Variants in ADK observed in about 807,000 individuals in gnomAD.
ADK encodes adenosine kinase, also known as N6,N6-dimethyladenosine kinase.
ADK carries 24 observed loss-of-function variants against 44.7 expected under a neutral mutation model. That is an observed-to-expected ratio of 0.54 (90% CI 0.39 to 0.76). The LOEUF is 0.76. ADK is among the 30% of genes least tolerant of loss of function. ADK has a pLI of 0.00. For synonymous variants in ADK, 128 were observed against 142.6 expected, an observed-to-expected ratio of 0.90 and a Z score of 0.73; for missense variants, 321 against 425.1, an observed-to-expected ratio of 0.76 and a Z score of 2.15.
chr10:74,354,010 T>G (rs1842053823), intron 4 of ADK, among the ~76,000 whole-genome samples: 2 of 152,160 alleles, frequency 1.3e-5, no homozygotes, highest in African/African-American at 4.8e-5. Context: ...AGAAAAAGGG[T>G]TTCCTTTGTC....
chr10:74,242,765 C>T (rs981854029), intron 3 of ADK, among the ~76,000 whole-genome samples: 1 of 152,222 alleles, frequency 6.6e-6, no homozygotes, highest in Non-Finnish European at 1.5e-5. Flanking sequence ...CACCCGCATC[C>T]TGTGCCTGTA....
At chr10:74,531,251 C>G (rs1000654203) in intron 7 of ADK, among the ~76,000 whole-genome samples, 5 of 152,086 alleles carry the variant, frequency 3.3e-5, no homozygotes, top group African/African-American at 1.2e-4. Context: ...TCGTAATTCA[C>G]GAGGCTTCAA....
chr10:74,473,097 C>T (rs887324925), intron 6 of ADK, among the ~76,000 whole-genome samples: 3 of 151,962 alleles, frequency 2.0e-5, no homozygotes, highest in Non-Finnish European at 4.4e-5. Flanking sequence ...TCAGGTGATT[C>T]TCCCACTTCA....
intron 4 of ADK, among the ~76,000 whole-genome samples, chr10:74,352,323 G>T (rs1034715494): frequency 6.6e-6 from 1 of 152,198 alleles, no homozygotes; most frequent in Non-Finnish European, 1.5e-5. Flanking sequence ...AAGCAATGGG[G>T]AAAGGATTCC....
chr10:74,215,113 AT>A (rs1290172380), intron 2 of ADK, among the ~76,000 whole-genome samples: 1 of 151,926 alleles, frequency 6.6e-6, no homozygotes, highest in Non-Finnish European at 1.5e-5. Context: ...AGTGTATGTC[AT>A]TTTTCTCCAG....
intron 1 of ADK, among the ~76,000 whole-genome samples, chr10:74,176,169 T>C (rs1174655960): frequency 6.6e-6 from 1 of 152,204 alleles, no homozygotes; most frequent in Non-Finnish European, 1.5e-5. Flanking sequence ...ACACTTTCCA[T>C]ATTAAATAAG....
intron 3 of ADK, among the ~76,000 whole-genome samples, chr10:74,238,024 G>A (rs1845038289): frequency 6.6e-6 from 1 of 152,128 alleles, no homozygotes. Context: ...AACCCAGGAG[G>A]CGGAGGTCAT....
At chr10:74,219,748 A>G (rs1416078154) in intron 2 of ADK, among the ~76,000 whole-genome samples, 3 of 151,216 alleles carry the variant, frequency 2.0e-5, no homozygotes, top group South Asian at 2.1e-4. Flanking sequence ...TGGAAACTGA[A>G]CAACCTGCTC....
intron 6 of ADK, among the ~76,000 whole-genome samples, chr10:74,414,710 C>CA (rs1018164919): frequency 2.2e-4 from 33 of 149,500 alleles, no homozygotes; most frequent in South Asian, 2.1e-4. Flanking sequence ...GACTCCATCT[C>CA]AAAAAAAAAG....
rs149318731 is a variant in ADK, at chr10:74,644,582, G to A, written c.878-25601G>A. 1.5e-4 allele frequency among the ~76,000 whole-genome samples: 23 copies of A among 152,298 alleles called. No homozygotes were observed. In the East Asian group the frequency reaches 4.4e-3, roughly 29 times the overall value. On this transcript the variant is annotated intron_variant, in intron 9 of 10. Coordinates refer to ENST00000539909, the MANE Select transcript of ADK (RefSeq NM_006721.4). ...AGGGTCTTGCTCTGCCACCCAGGCT[G>A]GAGTTCAGGGATGCAATCATAGATC...
chr10:74,559,684 A>C (rs1850385286), intron 7 of ADK, among the ~76,000 whole-genome samples: 1 of 152,212 alleles, frequency 6.6e-6, no homozygotes, highest in Admixed American at 6.5e-5. Context: ...CCAAACTGAT[A>C]TATTTAAAAT....
intron 4 of ADK, among the ~76,000 whole-genome samples, chr10:74,383,777 A>T (rs1450191193): frequency 6.6e-6 from 1 of 152,008 alleles, no homozygotes; most frequent in African/African-American, 2.4e-5. Context: ...GTTTGTTTAG[A>T]TTCATCTCAT....
intron 9 of ADK, among the ~76,000 whole-genome samples, chr10:74,617,400 A>G (rs1043184823): frequency 2.0e-5 from 3 of 152,226 alleles, no homozygotes; most frequent in Non-Finnish European, 2.9e-5. Flanking sequence ...TTTTTTAAAA[A>G]TCATGAATAG....
At chr10:74,353,290 A>G (rs1425373596) in intron 4 of ADK, among the ~76,000 whole-genome samples, 1 of 152,162 alleles carries the variant, frequency 6.6e-6, no homozygotes, top group Admixed American at 6.5e-5. Context: ...CATCATTTTT[A>G]GCAAAGTAAC....
At chr10:74,167,175 G>A (rs1275242744) in intron 1 of ADK, among the ~76,000 whole-genome samples, 1 of 152,050 alleles carries the variant, frequency 6.6e-6, no homozygotes, top group Admixed American at 6.5e-5. Flanking sequence ...AAATATAAAT[G>A]TAGAAAAATA....
At chr10:74,447,951 A>AT (rs2133172239) in intron 6 of ADK, among the ~76,000 whole-genome samples, 1 of 152,268 alleles carries the variant, frequency 6.6e-6, no homozygotes, top group African/African-American at 2.4e-5. Flanking sequence ...AGGGGGGTGG[A>AT]TCACCTGAGG....
intron 1 of ADK, among the ~76,000 whole-genome samples, chr10:74,189,583 C>CT (rs1291161514): frequency 2.6e-5 from 4 of 152,124 alleles, no homozygotes; most frequent in Admixed American, 2.6e-4. Context: ...GTGTTTGTTA[C>CT]TATATAACTG....
At chr10:74,258,261 G>T (rs927065964) in intron 3 of ADK, among the ~76,000 whole-genome samples, 1 of 152,072 alleles carries the variant, frequency 6.6e-6, no homozygotes, top group Non-Finnish European at 1.5e-5. Context: ...ACCACTAATA[G>T]TGTAATTTCT....
chr10:74,622,462 G>T (rs926996390), intron 9 of ADK, among the ~76,000 whole-genome samples: 1 of 151,532 alleles, frequency 6.6e-6, no homozygotes, highest in African/African-American at 2.4e-5. Context: ...CCTTTTTATG[G>T]TCTGGGAATT....
Sources: gnomAD v4.1 joint callset for allele counts (sites outside exome capture counted in the v4.1 genomes callset) on GRCh38, gnomAD v4.1.1 for gene constraint, MANE v1.5 for transcripts, NCBI Gene and HGNC (gene_info 2026-07-23, HGNC 2026-07-21) for gene names.